GBE1: variants seen among roughly 807,000 people sequenced by gnomAD.
The protein encoded by GBE1 is 1,4-alpha-glucan branching enzyme 1.
Under a neutral mutation model 88.8 loss-of-function variants are expected in GBE1, and 70 were observed. That is an observed-to-expected ratio of 0.79 (90% CI 0.65 to 0.96). The LOEUF (loss-of-function observed/expected upper bound fraction) is 0.96, where lower values mean the gene tolerates loss of function less well. Ranked by LOEUF, GBE1 falls within the 40% of genes least tolerant of loss-of-function variation. GBE1 has a pLI of 0.00. For synonymous variants in GBE1, 284 were observed against 300.1 expected (o/e 0.95, Z 0.56); for missense variants, 872 against 871.0 (o/e 1.00, Z -0.01).
At chr3:81,721,582 T>C (rs1575765860) in intron 1 of GBE1, among the ~76,000 whole-genome samples, 1 of 152,194 alleles carries the variant, frequency 6.6e-6, no homozygotes, top group East Asian at 1.9e-4. Flanking sequence ...ACCAAACTGC[T>C]CAAATGGTAT....
At chr3:81,547,084 G>A (rs1413159445) in intron 12 of GBE1, among the ~76,000 whole-genome samples, 1 of 151,318 alleles carries the variant, frequency 6.6e-6, no homozygotes, top group Non-Finnish European at 1.5e-5. Context: ...AAAATCACCT[G>A]CATGTACCAA....
intron 10 of GBE1, among the ~76,000 whole-genome samples, chr3:81,582,916 G>A (rs994024726): frequency 5.3e-5 from 8 of 151,978 alleles, no homozygotes; most frequent in Admixed American, 5.3e-4. Flanking sequence ...TCTGTGAAAA[G>A]CCAATGTGAA....
At chr3:81,582,951 C>G (rs1373903107) in intron 10 of GBE1, among the ~76,000 whole-genome samples, 1 of 151,882 alleles carries the variant, frequency 6.6e-6, no homozygotes, top group Non-Finnish European at 1.5e-5. Flanking sequence ...AAGCATCAGA[C>G]TAGGAGAAAA....
chr3:81,612,633 T>G lies in GBE1; in HGVS notation c.993-18610A>C, dbSNP rs537480635. The G allele has an allele frequency of 8.7e-5, 51 of 587,642 alleles. No individual in the cohort carries two copies. In the African/African-American group the frequency reaches 8.9e-4, roughly 10 times the overall value. 36.4% of individuals were successfully genotyped at this position (587,642 alleles called of 1,614,324 possible). On this transcript the variant is annotated intron_variant, in intron 7 of 15. Coordinates refer to ENST00000429644, the MANE Select transcript of GBE1 (RefSeq NM_000158.4). ...TTCTGAAAAAGTGGTTGGCGGAGTT[T>G]GTTACATTTCTATTCGACTTTCAAA... is the stretch of plus-strand genomic sequence containing the variant.
chr3:81,605,317 T>C (rs1202818370), intron 7 of GBE1, among the ~76,000 whole-genome samples: 2 of 152,176 alleles, frequency 1.3e-5, no homozygotes, highest in Non-Finnish European at 2.9e-5. Flanking sequence ...CTTTTACATA[T>C]ATATAATTTA....
intron 14 of GBE1, among the ~76,000 whole-genome samples, chr3:81,505,038 T>C (rs990183117): frequency 3.9e-5 from 6 of 152,112 alleles, no homozygotes; most frequent in African/African-American, 1.4e-4. Context: ...ATCTAAGACA[T>C]CACCCATTTC....
intron 14 of GBE1, among the ~76,000 whole-genome samples, chr3:81,512,383 C>T (rs1702737274): frequency 1.3e-5 from 2 of 151,894 alleles, no homozygotes; most frequent in South Asian, 4.1e-4. Context: ...AAAAGTAGAA[C>T]TTAAAAAGAT....
At chr3:81,504,198 A>G (rs1353874182) in intron 14 of GBE1, among the ~76,000 whole-genome samples, 2 of 152,224 alleles carry the variant, frequency 1.3e-5, no homozygotes, top group East Asian at 3.8e-4. Flanking sequence ...AAGGGGACAA[A>G]TATCCAAAAC....
intron 1 of GBE1, among the ~76,000 whole-genome samples, chr3:81,723,069 A>G (rs1054348448): frequency 6.6e-6 from 1 of 151,722 alleles, no homozygotes; most frequent in Non-Finnish European, 1.5e-5. Flanking sequence ...AAAATGAAAA[A>G]AACGTGGTAC....
intron 2 of GBE1, among the ~76,000 whole-genome samples, chr3:81,690,688 G>A (rs1350948902): frequency 2.0e-5 from 3 of 151,992 alleles, no homozygotes; most frequent in Non-Finnish European, 4.4e-5. Context: ...TTTAAATGAC[G>A]GAAATCCTCT....
rs577271718 is a variant in GBE1, at chr3:81,613,080, T to C, written c.993-19057A>G. On this transcript the variant is annotated intron_variant, in intron 7 of 15. Transcript: ENST00000429644. Reference sequence around the variant, plus strand: ...GGAGGATGAAGGAGAAGATGACTAATAGAACACTGATGGATTCCGACCTTC... The same window carrying C: ...GGAGGATGAAGGAGAAGATGACTAACAGAACACTGATGGATTCCGACCTTC... The C allele has an allele frequency of 5.4e-5, 35 of 647,758 alleles. No homozygotes were observed. In the African/African-American group the frequency reaches 5.9e-4, roughly 11 times the overall value. The allele number at this position is 647,758 out of a possible 1,614,324, so 40.1% of individuals were successfully genotyped here.
chr3:81,524,703 A>C (rs1702921082), intron 14 of GBE1, among the ~76,000 whole-genome samples: 1 of 151,926 alleles, frequency 6.6e-6, no homozygotes, highest in Non-Finnish European at 1.5e-5. Flanking sequence ...ACCTTTGTTG[A>C]AAATGAGTTC....
intron 7 of GBE1, among the ~76,000 whole-genome samples, chr3:81,618,729 A>G (rs1183689576): frequency 1.3e-5 from 2 of 152,164 alleles, no homozygotes; most frequent in African/African-American, 4.8e-5. Flanking sequence ...TTAGAAATGA[A>G]TTTAGGCCAA....
At chr3:81,568,645 G>C (rs1703529935) in intron 12 of GBE1, among the ~76,000 whole-genome samples, 1 of 152,112 alleles carries the variant, frequency 6.6e-6, no homozygotes, top group African/African-American at 2.4e-5. Flanking sequence ...CTGAGTTAAT[G>C]AATGAGTGAA....
At chr3:81,750,577 G>GTATA (rs199515105) in intron 1 of GBE1, among the ~76,000 whole-genome samples, 4 of 35,220 alleles carry the variant, frequency 1.1e-4, no homozygotes, top group African/African-American at 7.9e-4. Context: ...ATATATATAC[G>GTATA]TATATATATA....
intron 14 of GBE1, among the ~76,000 whole-genome samples, chr3:81,531,075 CAGA>C (rs1160395055): frequency 6.6e-6 from 1 of 151,040 alleles, no homozygotes; most frequent in East Asian, 2.0e-4. Flanking sequence ...TTTCCTCAAG[CAGA>C]AGGAGCCTCT....
intron 1 of GBE1, among the ~76,000 whole-genome samples, chr3:81,740,766 G>GCACACACACACACACACA (rs71633686): frequency 6.7e-6 from 1 of 149,192 alleles, no homozygotes; most frequent in Non-Finnish European, 1.5e-5. Flanking sequence ...GTTAGAAAGT[G>GCACACACACACACACACA]CACACACACA....
chr3:81,712,383 G>T lies in GBE1; in HGVS notation c.144-6770C>A, dbSNP rs552743362. ...TATTGCAGCACTATTCACAATAGCAGACTTGGAACCAACCCAAATGTCCAT... is the reference window on the plus strand; with the variant it reads ...TATTGCAGCACTATTCACAATAGCATACTTGGAACCAACCCAAATGTCCAT... On this transcript the variant is annotated intron_variant, in intron 1 of 15. Coordinates refer to ENST00000429644, the MANE Select transcript of GBE1 (RefSeq NM_000158.4). Among the ~76,000 whole-genome samples the T allele has an allele frequency of 2.6e-5, 4 of 152,186 alleles. No individual in the cohort carries two copies. The South Asian group carries it at 6.2e-4, about 24-fold the overall frequency.
intron 2 of GBE1, among the ~76,000 whole-genome samples, chr3:81,697,748 TAAC>T (rs565626142): frequency 4.4e-3 from 674 of 152,064 alleles, no homozygotes; most frequent in Admixed American, 9.2e-3. Flanking sequence ...GGTAGAGTCT[TAAC>T]AACCACAATC....
Sources: allele counts gnomAD v4.1 joint callset (sites outside exome capture counted in the v4.1 genomes callset), GRCh38; gene constraint gnomAD v4.1.1; transcripts MANE v1.5; gene names NCBI Gene and HGNC (gene_info 2026-07-23, HGNC 2026-07-21).